Variants in ADARB2 observed in about 807,000 individuals in gnomAD.
ADARB2 encodes the protein inactive double-stranded RNA-specific editase B2.
A neutral mutation model predicts 62.2 loss-of-function variants in ADARB2; 25 were observed. The observed-to-expected ratio is 0.40, with a 90% confidence interval of 0.29 to 0.56. The LOEUF is 0.56. Ranked by LOEUF, ADARB2 falls within the 20% of genes least tolerant of loss-of-function variation. The pLI, the probability that ADARB2 is intolerant of heterozygous loss-of-function variation, is 0.43. For missense variants in ADARB2, 1,071 were observed against 1,077.4 expected (o/e 0.99, Z 0.08); for synonymous variants, 572 against 500.8 (o/e 1.14, Z -1.90).
Position 1,398,378 on chromosome 10 carries a change from G to A in ADARB2, c.101-19218C>T, listed in dbSNP as rs7077445. On this transcript the variant is annotated intron_variant, in intron 1 of 9. Transcript: ENST00000381312. This position sits in a 1 kb window ranked among gnomAD's most constrained non-coding sequence, Gnocchi z 4.1. The stretch of plus-strand genomic sequence containing the variant: ...TGACACGGGGTGAAAGACCATGAGC[G>A]CTCCTCGGGACATCTGGCCTTTCAC... Among the ~76,000 whole-genome samples, 121 of 152,380 alleles carry A rather than the reference G, an allele frequency of 7.9e-4. 1 individual carries two copies. The highest frequency in any genetic ancestry group is 2.9e-3 in the African/African-American group (119 of 41,592).
At chr10:1,506,796 G>A (rs1831858264) in intron 1 of ADARB2, among the ~76,000 whole-genome samples, 1 of 152,250 alleles carries the variant, frequency 6.6e-6, no homozygotes, top group African/African-American at 2.4e-5. Flanking sequence ...GCATTAGGAG[G>A]TGGAGTCTTT....
chr10:1,726,975 A>G (rs1481945731), intron 1 of ADARB2, among the ~76,000 whole-genome samples: 4 of 152,164 alleles, frequency 2.6e-5, no homozygotes, highest in South Asian at 4.2e-4. Flanking sequence ...TTTTTAGAAC[A>G]TGTTCTAGAG....
intron 7 of ADARB2, among the ~76,000 whole-genome samples, chr10:1,203,468 G>T (rs1837012908): frequency 6.6e-6 from 1 of 152,242 alleles, no homozygotes; most frequent in Non-Finnish European, 1.5e-5. Flanking sequence ...GTGAGGAGAA[G>T]TAACTCTCTA....
chr10:1,360,814 T>C (rs1588231797), intron 3 of ADARB2, among the ~76,000 whole-genome samples: 3 of 152,396 alleles, frequency 2.0e-5, no homozygotes, highest in African/African-American at 7.2e-5. Context: ...TGGCTCTAAC[T>C]GATGTGCTGC....
chr10:1,685,960 T>C (rs1834592172), intron 1 of ADARB2, among the ~76,000 whole-genome samples: 1 of 152,236 alleles, frequency 6.6e-6, no homozygotes, highest in Non-Finnish European at 1.5e-5. Context: ...CTGCCTGGCT[T>C]GGACACTCCC....
chr10:1,629,371 C>T (rs753931719), intron 1 of ADARB2, among the ~76,000 whole-genome samples: 6 of 152,072 alleles, frequency 3.9e-5, no homozygotes, highest in African/African-American at 4.8e-5. Flanking sequence ...ACCTCCTCAT[C>T]GTGATGGTCA....
chr10:1,326,184 G>C (rs1831843000), intron 3 of ADARB2, among the ~76,000 whole-genome samples: 7 of 152,178 alleles, frequency 4.6e-5, no homozygotes, highest in Admixed American at 4.6e-4. Flanking sequence ...CAGAGAACAG[G>C]AAGTCACTAT....
At position 1,320,518 on chromosome 10, in the gene ADARB2, C is replaced by A. The variant is rs75951068; in HGVS notation, c.1077+42510G>T. On this transcript the variant is annotated intron_variant, in intron 3 of 9. Transcript: ENST00000381312. The stretch of plus-strand genomic sequence containing the variant: ...CTCCTTGGTGAAGGCAAAGTGCCCC[C>A]TCTCAGGCTAAGAAAAACCATTGGA... 4.8e-3 allele frequency among the ~76,000 whole-genome samples: 728 copies of A among 152,324 alleles called. 5 individuals carry two copies. Among genetic ancestry groups the A allele is most frequent in the Admixed American group, 0.015 (230 of 15,296 alleles).
intron 3 of ADARB2, among the ~76,000 whole-genome samples, chr10:1,352,944 C>T (rs1832157723): frequency 6.6e-6 from 1 of 152,158 alleles, no homozygotes; most frequent in South Asian, 2.1e-4. Flanking sequence ...TCCACCAGGC[C>T]TAATCCCCAC....
chr10:1,567,455 T>C lies in ADARB2; in HGVS notation c.100+169596A>G, dbSNP rs567738825. On this transcript the variant is annotated intron_variant, in intron 1 of 9. Coordinates refer to ENST00000381312, the MANE Select transcript of ADARB2 (RefSeq NM_018702.4). ...AAGGTTCACATCCCAGGTCTGTCCCTCCCACTCTCCCAGGCCAGGGGACCC... is the reference window on the plus strand; with the variant it reads ...AAGGTTCACATCCCAGGTCTGTCCCCCCCACTCTCCCAGGCCAGGGGACCC... Among the ~76,000 whole-genome samples the C allele has an allele frequency of 3.3e-5, 5 of 152,220 alleles. No homozygotes were observed. In the South Asian group the frequency reaches 1.0e-3, roughly 32 times the overall value.
chr10:1,534,135 T>A lies in ADARB2; in HGVS notation c.101-154975A>T, dbSNP rs1156593314. Among the ~76,000 whole-genome samples the A allele has an allele frequency of 2.1e-5, 3 of 144,128 alleles. No individual in the cohort carries two copies. The Admixed American group carries it at 2.1e-4, about 10-fold the overall frequency. 94.6% of individuals were successfully genotyped at this position (144,128 alleles called of 152,430 possible). A position where few individuals can be genotyped will look rare whatever the true frequency, so the allele number is the denominator to read the frequency against. The stretch of plus-strand genomic sequence containing the variant: ...AGAAGGCGATTTTCCTGCATTGAAA[T>A]AGTTTTTTTTTTTTTTTTTGAGAAG... On this transcript the variant is annotated intron_variant, in intron 1 of 9. Transcript: ENST00000381312.
intron 1 of ADARB2, among the ~76,000 whole-genome samples, chr10:1,621,659 G>A (rs1035648441): frequency 3.3e-5 from 5 of 152,186 alleles, no homozygotes; most frequent in Admixed American, 2.6e-4. Context: ...ACAGTGAAAT[G>A]CAAGACTTGT....
intron 1 of ADARB2, among the ~76,000 whole-genome samples, chr10:1,468,156 A>T (rs1401046452): frequency 6.6e-6 from 1 of 152,256 alleles, no homozygotes; most frequent in Non-Finnish European, 1.5e-5. Context: ...TTACTTAAAC[A>T]TATAAATATT....
chr10:1,423,703 G>C (rs1325247532), intron 1 of ADARB2, among the ~76,000 whole-genome samples: 1 of 152,052 alleles, frequency 6.6e-6, no homozygotes, highest in Non-Finnish European at 1.5e-5. Flanking sequence ...TGTGTATGCA[G>C]TAGGTCCACT....
At chr10:1,253,542 GGC>G (rs1387248007) in intron 4 of ADARB2, among the ~76,000 whole-genome samples, 11 of 152,220 alleles carry the variant, frequency 7.2e-5, no homozygotes, top group Non-Finnish European at 5.9e-5. Flanking sequence ...TCATTCAGTG[GGC>G]ATTAAACACC....
At chr10:1,211,839 T>A (rs1837156669) in intron 7 of ADARB2, among the ~76,000 whole-genome samples, 1 of 152,210 alleles carries the variant, frequency 6.6e-6, no homozygotes, top group Admixed American at 6.5e-5. Context: ...GTAAAATAAT[T>A]TGGAGTGGTG....
chr10:1,208,820 G>A (rs754839888), intron 7 of ADARB2, among the ~76,000 whole-genome samples: 1 of 152,226 alleles, frequency 6.6e-6, no homozygotes, highest in Non-Finnish European at 1.5e-5. Flanking sequence ...GGCCTGATTT[G>A]TCGGGGGAGA....
chr10:1,404,338 TG>T (rs1832688642), intron 1 of ADARB2, among the ~76,000 whole-genome samples: 1 of 152,180 alleles, frequency 6.6e-6, no homozygotes, highest in Non-Finnish European at 1.5e-5. Context: ...ACTGGGGACC[TG>T]ATGGGGCTAA....
chr10:1,301,168 T>C (rs540482195), intron 3 of ADARB2, among the ~76,000 whole-genome samples: 1 of 152,358 alleles, frequency 6.6e-6, no homozygotes, highest in South Asian at 2.1e-4. Context: ...GATAAAATCG[T>C]GGCACAGGGA....
Sources: gnomAD v4.1 joint callset for allele counts (sites outside exome capture counted in the v4.1 genomes callset) on GRCh38, gnomAD v4.1.1 for gene constraint, Gnocchi (gnomAD v3.1) non-coding constraint, MANE v1.5 for transcripts, NCBI Gene and HGNC (gene_info 2026-07-23, HGNC 2026-07-21) for gene names.